The following AGBL1 variants were observed in gnomAD, a reference collection of about 807,000 sequenced individuals.
AGBL1 encodes the protein AGBL carboxypeptidase 1.
Under a neutral mutation model 118.9 loss-of-function variants are expected in AGBL1, and 130 were observed. That is an observed-to-expected ratio of 1.09 (90% confidence interval 0.95 to 1.26). AGBL1 has a LOEUF of 1.26. Among genes scored for constraint, AGBL1 ranks in the 50% most tolerant of loss-of-function variants. The pLI, the probability that AGBL1 is intolerant of heterozygous loss-of-function variation, is 0.00. For synonymous variants in AGBL1, 555 were observed against 478.9 expected (o/e 1.16, Z -2.08); for missense variants, 1,584 against 1,298.1 (o/e 1.22, Z -3.38).
intron 22 of AGBL1, among the ~76,000 whole-genome samples, chr15:86,767,737 CAG>C (rs2078116768): frequency 6.6e-6 from 1 of 151,882 alleles, no homozygotes; most frequent in Non-Finnish European, 1.5e-5. Context: ...AGACTAAGAA[CAG>C]AGATTTTAAA....
At chr15:86,534,243 A>C (rs921710742) in intron 19 of AGBL1, among the ~76,000 whole-genome samples, 12 of 151,330 alleles carry the variant, frequency 7.9e-5, no homozygotes, top group African/African-American at 2.7e-4. Context: ...ACAAAGGCCC[A>C]TGTGAGCTTT....
At chr15:86,886,188 A>G (rs923483615) in intron 22 of AGBL1, among the ~76,000 whole-genome samples, 1 of 152,258 alleles carries the variant, frequency 6.6e-6, no homozygotes, top group Middle Eastern at 3.2e-3. Context: ...AAACACAAAG[A>G]TAGAACAGAC....
intron 21 of AGBL1, among the ~76,000 whole-genome samples, chr15:86,625,358 A>G (rs1314458754): frequency 8.2e-6 from 1 of 121,922 alleles, no homozygotes; most frequent in East Asian, 2.4e-4. Flanking sequence ...AGGTAGAAGA[A>G]ATTAGCGTTT....
chr15:86,743,544 C>T (rs1452449), intron 22 of AGBL1, among the ~76,000 whole-genome samples: 26,047 of 151,982 alleles, frequency 0.17, 3,264 homozygotes, highest in African/African-American at 0.34. Flanking sequence ...TCTTCACTTA[C>T]ATACACTGGG....
At chr15:86,110,156 C>T (rs1897278774) in intron 1 of AGBL1, among the ~76,000 whole-genome samples, 1 of 152,198 alleles carries the variant, frequency 6.6e-6, no homozygotes, top group Non-Finnish European at 1.5e-5. Flanking sequence ...AACTCTACCT[C>T]TGGTAGTGAC....
chr15:86,157,419 A>G (rs770408598), intron 4 of AGBL1, among the ~76,000 whole-genome samples: 7 of 152,200 alleles, frequency 4.6e-5, no homozygotes, highest in Non-Finnish European at 8.8e-5. Flanking sequence ...CTGGTTTCCT[A>G]AAGCATAAAT....
intron 22 of AGBL1, among the ~76,000 whole-genome samples, chr15:86,789,444 GC>G (rs1263364905): frequency 6.6e-6 from 1 of 152,142 alleles, no homozygotes; most frequent in Non-Finnish European, 1.5e-5. Flanking sequence ...ATTTTTCTTT[GC>G]TGGAAATTTC....
intron 22 of AGBL1, among the ~76,000 whole-genome samples, chr15:86,894,152 T>G (rs565982339): frequency 3.0e-4 from 45 of 152,276 alleles, no homozygotes; most frequent in Non-Finnish European, 4.7e-4. Context: ...TTTTCAGGTG[T>G]TTTCTCCATG....
chr15:86,732,906 A>AAT lies in AGBL1; in HGVS notation c.3158+58480_3158+58481dup, dbSNP rs1356452968. On this transcript the variant is annotated intron_variant, in intron 22 of 22. Coordinates refer to ENST00000614907, the MANE Select transcript of AGBL1 (RefSeq NM_001386094.1). ...ATATATAGCTATAGATAAATCTACA[A>AAT]ATATATATATAGATAGATTTGTAGA... 8.0e-5 allele frequency among the ~76,000 whole-genome samples: 12 copies of AAT among 150,630 alleles called. No individual in the cohort carries two copies. In the East Asian group the frequency reaches 1.2e-3, roughly 15 times the overall value.
intron 17 of AGBL1, among the ~76,000 whole-genome samples, chr15:86,351,724 T>C (rs2080629800): frequency 6.6e-6 from 1 of 152,228 alleles, no homozygotes; most frequent in Non-Finnish European, 1.5e-5. Context: ...ATATAAAATA[T>C]ATTTCTACAT....
chr15:86,296,923 T>C (rs2141781899), intron 17 of AGBL1: 1 of 152,330 alleles, frequency 6.6e-6, no homozygotes, highest in Middle Eastern at 3.4e-3. Flanking sequence ...CTCTGATGTA[T>C]CATTATGACA....
intron 23 of AGBL1, among the ~76,000 whole-genome samples, chr15:86,964,805 C>G (rs747022142): frequency 7.9e-5 from 12 of 151,976 alleles, no homozygotes; most frequent in Admixed American, 1.3e-4. Context: ...TGACAGGCCC[C>G]GGTGTGTAAC....
chr15:86,438,261 G>T (rs2082022362), intron 18 of AGBL1, among the ~76,000 whole-genome samples: 1 of 152,108 alleles, frequency 6.6e-6, no homozygotes. Flanking sequence ...TGAGAAAAAG[G>T]CAGGCTAAAC....
chr15:86,760,152 A>G (rs141706411), intron 22 of AGBL1, among the ~76,000 whole-genome samples: 17 of 152,172 alleles, frequency 1.1e-4, no homozygotes, highest in African/African-American at 3.4e-4. Flanking sequence ...TATTAAGAGA[A>G]TGAGGCCCTG....
chr15:86,426,702 A>AT, intron 18 of AGBL1, among the ~76,000 whole-genome samples: 1 of 152,206 alleles, frequency 6.6e-6, no homozygotes, highest in Non-Finnish European at 1.5e-5. Flanking sequence ...TGTGGATCAT[A>AT]TCCTAAAGCT....
chr15:86,954,978 A>G (rs904757659), intron 23 of AGBL1, among the ~76,000 whole-genome samples: 9 of 152,098 alleles, frequency 5.9e-5, no homozygotes, highest in East Asian at 1.9e-4. Context: ...TTAACTTGTA[A>G]GAGTGTAAGT....
intron 22 of AGBL1, among the ~76,000 whole-genome samples, chr15:86,739,474 G>GA (rs1212602271): frequency 4.1e-5 from 5 of 122,804 alleles, no homozygotes; most frequent in African/African-American, 1.2e-4. Context: ...AAGTAAAAGA[G>GA]AAAAAAAAAT....
intron 22 of AGBL1, among the ~76,000 whole-genome samples, chr15:86,814,038 G>A (rs1049079434): frequency 1.1e-4 from 16 of 152,240 alleles, no homozygotes; most frequent in Middle Eastern, 3.4e-3. Context: ...CTGGGAAGCC[G>A]GATGCTTTAG....
At chr15:86,438,214 GT>G (rs1272093741) in intron 18 of AGBL1, among the ~76,000 whole-genome samples, 2 of 152,008 alleles carry the variant, frequency 1.3e-5, no homozygotes, top group African/African-American at 4.8e-5. Flanking sequence ...CCAAGCCTCA[GT>G]TTTTTTATAA....
Sources: allele counts gnomAD v4.1 joint callset (sites outside exome capture counted in the v4.1 genomes callset), GRCh38; gene constraint gnomAD v4.1.1; transcripts MANE v1.5; gene names NCBI Gene and HGNC (gene_info 2026-07-23, HGNC 2026-07-21).